The following ADAMTSL3 variants were observed in gnomAD, a reference collection of about 807,000 sequenced individuals.
The protein encoded by ADAMTSL3 is ADAMTS like 3.
A neutral mutation model predicts 201.7 loss-of-function variants in ADAMTSL3; 128 were observed. That is an observed-to-expected ratio of 0.63 (90% confidence interval 0.55 to 0.73). ADAMTSL3 has a LOEUF of 0.73. Among genes scored for constraint, ADAMTSL3 ranks in the 30% least tolerant of loss-of-function variants. The pLI is 0.00. For missense variants in ADAMTSL3, 1,990 were observed against 2,119.6 expected, an observed-to-expected ratio of 0.94 and a Z score of 1.20; for synonymous variants, 738 against 748.4, an observed-to-expected ratio of 0.99 and a Z score of 0.23.
At chr15:83,872,463 A>G (rs1356732268) in intron 9 of ADAMTSL3, among the ~76,000 whole-genome samples, 3 of 152,134 alleles carry the variant, frequency 2.0e-5, no homozygotes, top group Non-Finnish European at 2.9e-5. Context: ...CAGTCATATT[A>G]TGAAAGGTTT....
chr15:83,705,779 C>G (rs936068033), intron 3 of ADAMTSL3, among the ~76,000 whole-genome samples: 41 of 152,258 alleles, frequency 2.7e-4, no homozygotes, highest in African/African-American at 9.6e-4. Context: ...AGAGCTGGGA[C>G]TGGGGTGAAG....
intron 3 of ADAMTSL3, among the ~76,000 whole-genome samples, chr15:83,769,162 A>C (rs1195404422): frequency 6.6e-6 from 1 of 152,144 alleles, no homozygotes; most frequent in African/African-American, 2.4e-5. Flanking sequence ...CTATGAACTG[A>C]ACAGATGGAA....
intron 20 of ADAMTSL3, among the ~76,000 whole-genome samples, chr15:83,976,005 G>A (rs1171072929): frequency 6.6e-6 from 1 of 152,198 alleles, no homozygotes; most frequent in African/African-American, 2.4e-5. Context: ...CTTGGTGAGA[G>A]AGCATGAGAG....
At chr15:83,925,499 AC>A (rs1159499291) in intron 17 of ADAMTSL3, among the ~76,000 whole-genome samples, 1 of 152,000 alleles carries the variant, frequency 6.6e-6, no homozygotes, top group Non-Finnish European at 1.5e-5. Context: ...TCCCACTCCC[AC>A]CCCCAGGTTT....
chr15:83,718,529 C>T (rs943949969), intron 3 of ADAMTSL3, among the ~76,000 whole-genome samples: 1 of 151,280 alleles, frequency 6.6e-6, no homozygotes. Flanking sequence ...AATGGTGAAA[C>T]CTCATTCCTA....
chr15:83,923,283 A>C (rs2066181865), intron 16 of ADAMTSL3, among the ~76,000 whole-genome samples: 1 of 152,190 alleles, frequency 6.6e-6, no homozygotes, highest in Non-Finnish European at 1.5e-5. Context: ...AATGGAGGTA[A>C]TAATACTATT....
At chr15:83,713,828 G>T (rs1217560263) in intron 3 of ADAMTSL3, among the ~76,000 whole-genome samples, 1 of 152,272 alleles carries the variant, frequency 6.6e-6, no homozygotes, top group Admixed American at 6.5e-5. Flanking sequence ...TCTAGCCTAC[G>T]TCAAAAAAGT....
chr15:83,999,440 A>G (rs1248530442), intron 23 of ADAMTSL3, among the ~76,000 whole-genome samples: 1 of 152,254 alleles, frequency 6.6e-6, no homozygotes, highest in Non-Finnish European at 1.5e-5. Flanking sequence ...CATTAAAATT[A>G]AAATGTCTAG....
intron 28 of ADAMTSL3, among the ~76,000 whole-genome samples, chr15:84,032,838 T>C (rs1248340396): frequency 6.6e-6 from 1 of 152,186 alleles, no homozygotes; most frequent in Non-Finnish European, 1.5e-5. Flanking sequence ...CAAAGGGTAA[T>C]ATTTTTATAG....
rs756422828 is a variant in ADAMTSL3 at position 84,036,889 on chromosome 15, G to C, written c.4871G>C (p.Cys1624Ser). 1 of 1,614,026 alleles carries C rather than the reference G, an allele frequency of 6.2e-7. No individual in the cohort carries two copies. Among genetic ancestry groups the C allele is most frequent in the South Asian group, 1.1e-5 (1 of 91,088 alleles). Residue 1624 changes from cysteine to serine, a missense_variant, in exon 29 of 30, where the codon TGT (cysteine) becomes TCT (serine). By Grantham distance (112) the Cys-to-Ser change is moderately radical. Transcript: ENST00000286744. ...GRGFQSRKVD[C>S]IHTRSCKPVA... is the part of the protein sequence containing the mutation. ...GGTTTCCAGTCTCGGAAAGTCGACTGTATCCACACAAGGAGTTGCAAACCT... is the reference window on the plus strand; with the variant it reads ...GGTTTCCAGTCTCGGAAAGTCGACTCTATCCACACAAGGAGTTGCAAACCT...
intron 19 of ADAMTSL3, among the ~76,000 whole-genome samples, chr15:83,949,856 A>G (rs1256602237): frequency 6.6e-6 from 1 of 151,918 alleles, no homozygotes; most frequent in Admixed American, 6.6e-5. Flanking sequence ...AAACTGGATT[A>G]TTAGATTTTT....
chr15:83,980,504 G>A (rs1365052984), intron 20 of ADAMTSL3, among the ~76,000 whole-genome samples: 1 of 152,120 alleles, frequency 6.6e-6, no homozygotes, highest in Non-Finnish European at 1.5e-5. Flanking sequence ...AGCCAAATTA[G>A]GGGAAATTTA....
intron 4 of ADAMTSL3, among the ~76,000 whole-genome samples, chr15:83,776,555 T>TA (rs1224384849): frequency 6.6e-6 from 1 of 152,196 alleles, no homozygotes; most frequent in East Asian, 1.9e-4. Flanking sequence ...CCATCTCTAC[T>TA]AAAAATACAA....
intron 27 of ADAMTSL3, among the ~76,000 whole-genome samples, chr15:84,025,902 C>T (rs2068296822): frequency 6.6e-6 from 1 of 152,104 alleles, no homozygotes; most frequent in Admixed American, 6.5e-5. Context: ...AAATAAAAGA[C>T]TTATTATACT....
intron 5 of ADAMTSL3, among the ~76,000 whole-genome samples, chr15:83,806,602 C>G (rs1270137116): frequency 6.6e-6 from 1 of 152,124 alleles, no homozygotes; most frequent in African/African-American, 2.4e-5. Flanking sequence ...GTCTGTAATC[C>G]CAGCACTTTG....
At chr15:83,659,072 G>A (rs1220470136) in intron 2 of ADAMTSL3, among the ~76,000 whole-genome samples, 1 of 152,120 alleles carries the variant, frequency 6.6e-6, no homozygotes, top group Non-Finnish European at 1.5e-5. Context: ...TTTGCCCCTC[G>A]GGAGGTGCTG....
At chr15:83,816,218 A>G (rs2063768163) in intron 5 of ADAMTSL3, among the ~76,000 whole-genome samples, 1 of 152,184 alleles carries the variant, frequency 6.6e-6, no homozygotes, top group Non-Finnish European at 1.5e-5. Context: ...TTCAACATGA[A>G]TCTTATAAAA....
rs1169212565 is a variant in ADAMTSL3, at chr15:83,655,723, T to G, written c.-33-6T>G. ...GGTTGGTAATGAACTCTTTCCTCGT[T>G]TGTAGGCTACAACTGAGACCCGGAG... On this transcript the variant is annotated splice_polypyrimidine_tract_variant and splice_region_variant and intron_variant, in intron 1 of 29. Transcript: ENST00000286744. 6.2e-7 allele frequency: 1 copy of G among 1,607,260 alleles called. No homozygotes were observed. The highest frequency in any genetic ancestry group is 8.5e-7 in the Non-Finnish European group (1 of 1,174,130).
intron 8 of ADAMTSL3, among the ~76,000 whole-genome samples, chr15:83,859,373 G>A (rs1170011086): frequency 6.6e-6 from 1 of 152,174 alleles, no homozygotes; most frequent in East Asian, 1.9e-4. Context: ...GCCTCAGGAA[G>A]AAATGTAGGA....
Sources: allele counts gnomAD v4.1 joint callset (sites outside exome capture counted in the v4.1 genomes callset), GRCh38; gene constraint gnomAD v4.1.1; transcripts MANE v1.5; gene names NCBI Gene and HGNC (gene_info 2026-07-23, HGNC 2026-07-21).